The following SMAD4 variants were observed in gnomAD, a reference collection of about 807,000 sequenced individuals.
SMAD4 encodes the protein MAD homolog 4.
A neutral mutation model predicts 63.2 loss-of-function variants in SMAD4; 7 were observed. The ratio of observed to expected loss-of-function variants is 0.11; its 90% CI spans 0.06 to 0.21. The LOEUF is 0.21. SMAD4 is among the 10% of genes least tolerant of loss of function. The pLI is 1.00. For missense variants in SMAD4, 312 were observed against 693.8 expected, an observed-to-expected ratio of 0.45 and a Z score of 6.18; for synonymous variants, 215 against 235.4, an observed-to-expected ratio of 0.91 and a Z score of 0.79.
intron 1 of SMAD4, among the ~76,000 whole-genome samples, chr18:51,033,989 A>C (rs985331376): frequency 1.2e-4 from 19 of 152,248 alleles, no homozygotes; most frequent in Admixed American, 1.3e-4. Context: ...ATAAGTACCA[A>C]AGACCAGTTG....
At position 51,048,938 on chromosome 18, in the gene SMAD4, A is replaced by G. The variant is rs1044255893; in HGVS notation, c.424+78A>G. The G allele has an allele frequency of 5.2e-6, 7 of 1,342,392 alleles. No individual in the cohort carries two copies. The South Asian group carries it at 8.4e-5, about 16-fold the overall frequency. The allele number at this position is 1,342,392 out of a possible 1,614,324, so 83.2% of individuals were successfully genotyped here. A position where few individuals can be genotyped will look rare whatever the true frequency, so the allele number is the denominator to read the frequency against. ...TAGTGTTTCAATTTTTGTAAGTTAAATTATAAATTTGGAAGATAGCCCGCG... is the reference window on the plus strand; with the variant it reads ...TAGTGTTTCAATTTTTGTAAGTTAAGTTATAAATTTGGAAGATAGCCCGCG... On this transcript the variant is annotated intron_variant, in intron 3 of 11. Coordinates refer to ENST00000342988, the MANE Select transcript of SMAD4 (RefSeq NM_005359.6).
chr18:51,043,405 TGAGA>T (rs113585969), intron 1 of SMAD4, among the ~76,000 whole-genome samples: 3 of 152,144 alleles, frequency 2.0e-5, no homozygotes, highest in African/African-American at 7.2e-5. Context: ...ATGAGAGAAT[TGAGA>T]GAGATGTTAA....
chr18:51,062,752 G>A (rs914995948), intron 8 of SMAD4, among the ~76,000 whole-genome samples: 3 of 151,386 alleles, frequency 2.0e-5, no homozygotes, highest in Admixed American at 1.3e-4. Context: ...CTGCCCCATC[G>A]GCTCCCAAAA....
chr18:51,062,858 T>TTTTTTC (rs1407365921), intron 8 of SMAD4, among the ~76,000 whole-genome samples: 1 of 127,998 alleles, frequency 7.8e-6, no homozygotes, highest in African/African-American at 3.0e-5. Context: ...CTTGTTTTTT[T>TTTTTTC]TTTTTTTTTT....
chr18:51,055,416 C>T (rs1399552801), intron 5 of SMAD4, among the ~76,000 whole-genome samples: 1 of 152,046 alleles, frequency 6.6e-6, no homozygotes, highest in African/African-American at 2.4e-5. Flanking sequence ...CTGATTTTCT[C>T]ACTGTGCAAA....
chr18:51,058,015 C>A (rs529465916), intron 5 of SMAD4, 110 bp from the exon 6 acceptor site: 9 of 1,313,554 alleles, frequency 6.9e-6, no homozygotes, highest in South Asian at 6.2e-5. Flanking sequence ...CACTTTTTGC[C>A]CATCTTTATA....
rs1599186851 is a variant in SMAD4 at position 51,054,841 on chromosome 18, T to C, written c.515T>C (p.Leu172Ser). ...CATGACTTTGAGGGACAGCCATCGT[T>C]GTCCACTGAAGGACATTCAATTCAA... ...YVHDFEGQPS[L>S]STEGHSIQTI... Residue 172 changes from leucine (L) to serine (S), a missense_variant, in exon 5 of 12, where the codon TTG (leucine) becomes TCG (serine). Leu to Ser is a moderately radical substitution (Grantham distance 145). This residue lies in a region of SMAD4 where 169 missense variants were observed against 211.0 expected (regional missense o/e 0.80). Transcript: ENST00000342988. 6.2e-7 allele frequency: 1 copy of C among 1,614,138 alleles called. No individual in the cohort carries two copies.
chr18:51,064,664 A>G (rs1046726686), intron 8 of SMAD4, among the ~76,000 whole-genome samples: 16 of 152,166 alleles, frequency 1.1e-4, no homozygotes, highest in African/African-American at 3.4e-4. Context: ...CTTTTTTCCC[A>G]GTGATTTAAA....
intron 2 of SMAD4, among the ~76,000 whole-genome samples, chr18:51,048,400 C>T (rs576264613): frequency 9.1e-4 from 139 of 152,328 alleles, no homozygotes; most frequent in Admixed American, 1.4e-3. Context: ...TCAAGCGATC[C>T]TCCTGCCTTG....
chr18:51,059,842 G>A (rs758462032), intron 7 of SMAD4, 24 bp from the exon 8 acceptor site: 5 of 1,596,928 alleles, frequency 3.1e-6, no homozygotes, highest in Non-Finnish European at 4.3e-6. Flanking sequence ...AATAAAAATG[G>A]AATTTTTGTT....
intron 4 of SMAD4, 60 bp from the exon 5 acceptor site, chr18:51,054,721 T>C (rs2144417370): frequency 8.6e-7 from 1 of 1,163,646 alleles, no homozygotes. Context: ...GCTAATAAGA[T>C]TTTTTTTTCT....
intron 5 of SMAD4, 109 bp downstream of exon 5, chr18:51,055,102 CTG>C: frequency 1.2e-6 from 1 of 824,140 alleles, no homozygotes; most frequent in South Asian, 1.4e-5. Context: ...TTAAAAGTAA[CTG>C]TAGTATCTTT....
chr18:51,073,461 A>ATGT (rs1254455186), intron 10 of SMAD4, among the ~76,000 whole-genome samples: 1 of 147,704 alleles, frequency 6.8e-6, no homozygotes, highest in East Asian at 2.0e-4. Flanking sequence ...TGATTAAAAA[A>ATGT]AAGTAGTTGT....
Position 51,038,479 on chromosome 18 carries a change from G to A in SMAD4, c.-128+7856G>A, listed in dbSNP as rs1473182089. Among the ~76,000 whole-genome samples, 3 of 152,308 alleles carry A rather than the reference G, an allele frequency of 2.0e-5. No individual in the cohort carries two copies. In the East Asian group the frequency reaches 5.8e-4, roughly 29 times the overall value. On this transcript the variant is annotated intron_variant, in intron 1 of 11. Transcript: ENST00000342988. ...CTAACCTTTCAGAATTGCCACTTGA[G>A]TTTTGGTGTTGAATAAAAGATGAAT...
In SMAD4 at chr18:51,047,328, A is replaced by G. The variant is rs374486855; in HGVS notation, c.249+33A>G. On this transcript the variant is annotated intron_variant, in intron 2 of 11. Transcript: ENST00000342988. ...TTATAAGAGTTTTTCTATACCCTCT[A>G]TGGTGGCAGATTTAAAAACTTGCTA... 23 of 1,602,378 alleles carry G rather than the reference A, an allele frequency of 1.4e-5. No homozygotes were observed. In the African/African-American group the frequency reaches 1.9e-4, roughly 13 times the overall value.
chr18:51,042,320 CCTCCCTCCCTCT>C (rs1222321971), intron 1 of SMAD4, among the ~76,000 whole-genome samples: 4 of 133,082 alleles, frequency 3.0e-5, no homozygotes, highest in South Asian at 2.7e-4. Context: ...TCCCTCCCTC[CCTCCCTCCCTCT>C]CTCCCTCTCT....
At chr18:51,072,913 A>G (rs1374761174) in intron 10 of SMAD4, among the ~76,000 whole-genome samples, 3 of 152,210 alleles carry the variant, frequency 2.0e-5, no homozygotes, top group Non-Finnish European at 4.4e-5. Context: ...TTTATCATCC[A>G]GTGTAACAAA....
At chr18:51,057,478 A>G (rs1156559897) in intron 5 of SMAD4, among the ~76,000 whole-genome samples, 1 of 152,194 alleles carries the variant, frequency 6.6e-6, no homozygotes, top group Non-Finnish European at 1.5e-5. Flanking sequence ...TGTTCTTGAA[A>G]AGAAATGATT....
intron 8 of SMAD4, among the ~76,000 whole-genome samples, chr18:51,063,829 T>A (rs1201996215): frequency 6.6e-6 from 1 of 152,238 alleles, no homozygotes; most frequent in Non-Finnish European, 1.5e-5. Flanking sequence ...TAAACAAATA[T>A]TTATCTTTGT....
Sources: allele counts gnomAD v4.1 joint callset (sites outside exome capture counted in the v4.1 genomes callset), GRCh38; gene constraint gnomAD v4.1.1; regional missense constraint gnomAD v4.1.1; transcripts MANE v1.5; gene names NCBI Gene and HGNC (gene_info 2026-07-23, HGNC 2026-07-21).